Variants in ITGB8 observed in about 807,000 individuals in gnomAD.
ITGB8 encodes integrin subunit beta 8.
A neutral mutation model predicts 89.5 loss-of-function variants in ITGB8; 30 were observed. The observed-to-expected ratio is 0.34, with a 90% confidence interval of 0.25 to 0.45. The LOEUF is 0.45. Ranked by LOEUF, ITGB8 falls within the 20% of genes least tolerant of loss-of-function variation. ITGB8 has a pLI of 1.00. For synonymous variants in ITGB8, 335 were observed against 320.4 expected (o/e 1.05, Z -0.49); for missense variants, 836 against 933.3 (o/e 0.90, Z 1.36).
chr7:20,331,443 G>T lies in ITGB8; in HGVS notation c.-364G>T, dbSNP rs1367696429. ...CTTCGCTAAGCTGATTTATGCAGCAGAAGCCCCACCGGCTGGAGAGAAACA... is the reference window on the plus strand; with the variant it reads ...CTTCGCTAAGCTGATTTATGCAGCATAAGCCCCACCGGCTGGAGAGAAACA... On this transcript the variant is annotated 5_prime_UTR_variant, in exon 1 of 14. Coordinates refer to ENST00000222573, the MANE Select transcript of ITGB8 (RefSeq NM_002214.3). 2.4e-6 allele frequency: 1 copy of T among 411,064 alleles called. No individual in the cohort carries two copies. Among genetic ancestry groups the T allele is most frequent in the Admixed American group, 4.4e-5 (1 of 22,758 alleles). The allele number at this position is 411,064 out of a possible 1,614,324, so 25.5% of individuals were successfully genotyped here.
chr7:20,363,997 A>G (rs1562668944), intron 2 of ITGB8, among the ~76,000 whole-genome samples: 1 of 152,222 alleles, frequency 6.6e-6, no homozygotes, highest in Non-Finnish European at 1.5e-5. Flanking sequence ...ATTGGCAACC[A>G]CAGCTAGTAA....
chr7:20,359,678 T>TGC lies in ITGB8; in HGVS notation c.128-3958_128-3957insCG, dbSNP rs751163498. On this transcript the variant is annotated intron_variant, in intron 1 of 13. Coordinates refer to ENST00000222573, the MANE Select transcript of ITGB8 (RefSeq NM_002214.3). ...TGGGAGGGGAGGGAAGGAGAGAGAG[T>TGC]GTGTGTGTGTGTGGGAGAGAGAGAA... Among the ~76,000 whole-genome samples the TGC allele has an allele frequency of 4.6e-5, 7 of 150,932 alleles. 1 individual carries two copies. Among genetic ancestry groups the TGC allele is most frequent in the Middle Eastern group, 6.9e-3 (2 of 290 alleles).
intron 6 of ITGB8, 28 bp from the exon 7 acceptor site, chr7:20,391,375 C>A: frequency 8.0e-7 from 1 of 1,251,822 alleles, no homozygotes; most frequent in South Asian, 1.3e-5. Flanking sequence ...AAATTTCATT[C>A]CCTTATTTAT....
intron 1 of ITGB8, among the ~76,000 whole-genome samples, chr7:20,337,867 T>TA (rs1784627011): frequency 6.6e-6 from 1 of 152,202 alleles, no homozygotes; most frequent in African/African-American, 2.4e-5. Context: ...ATTCTTAGCC[T>TA]AAACAGCCTC....
Position 20,331,733 on chromosome 7 carries a change from G to C in ITGB8, c.-74G>C. The C allele has an allele frequency of 6.7e-7, 1 of 1,498,680 alleles. No individual in the cohort carries two copies. The highest frequency in any genetic ancestry group is 8.9e-7 in the Non-Finnish European group (1 of 1,122,266). The allele number at this position is 1,498,680 out of a possible 1,614,324, so 92.8% of individuals were successfully genotyped here. ...GCGACACTCGGCCCGCGGGCCCCGAGGTGCGCCCGGGAGGCGCGAGCCCGC... is the reference window on the plus strand; with the variant it reads ...GCGACACTCGGCCCGCGGGCCCCGACGTGCGCCCGGGAGGCGCGAGCCCGC... On this transcript the variant is annotated 5_prime_UTR_variant, in exon 1 of 14. Coordinates refer to ENST00000222573, the MANE Select transcript of ITGB8 (RefSeq NM_002214.3).
chr7:20,376,489 A>G (rs553530991), intron 3 of ITGB8, among the ~76,000 whole-genome samples: 4 of 152,286 alleles, frequency 2.6e-5, no homozygotes, highest in African/African-American at 9.6e-5. Flanking sequence ...AGTGCTGCAA[A>G]AAGGTATTTC....
rs989694252 is a variant in ITGB8, at chr7:20,414,511, T to C, written c.*4514T>C. The C allele has an allele frequency of 1.2e-4, 19 of 152,594 alleles. No homozygotes were observed. The highest frequency in any genetic ancestry group is 3.9e-4 in the Admixed American group (6 of 15,266). The allele number at this position is 152,594 out of a possible 1,614,324, so 9.5% of individuals were successfully genotyped here. A position where few individuals can be genotyped will look rare whatever the true frequency, so the allele number is the denominator to read the frequency against. Reference sequence around the variant, plus strand: ...TAAACAAAATTAACTGGAAAAATATTACATGGAACTGTCATAGTTAGGTTT... The same window carrying C: ...TAAACAAAATTAACTGGAAAAATATCACATGGAACTGTCATAGTTAGGTTT... On this transcript the variant is annotated 3_prime_UTR_variant, in exon 14 of 14. Coordinates refer to ENST00000222573, the MANE Select transcript of ITGB8 (RefSeq NM_002214.3).
chr7:20,346,339 G>T (rs1784921460), intron 1 of ITGB8, among the ~76,000 whole-genome samples: 1 of 152,176 alleles, frequency 6.6e-6, no homozygotes, highest in Non-Finnish European at 1.5e-5. Flanking sequence ...ATTTCAGAGG[G>T]CACAGGGGAT....
At chr7:20,342,281 T>G (rs954702550) in intron 1 of ITGB8, among the ~76,000 whole-genome samples, 1 of 152,198 alleles carries the variant, frequency 6.6e-6, no homozygotes, top group South Asian at 2.1e-4. Context: ...GGGCTCTGTA[T>G]TGACAATCTA....
intron 8 of ITGB8, among the ~76,000 whole-genome samples, chr7:20,395,667 CT>C (rs1239955695): frequency 6.6e-6 from 1 of 152,196 alleles, no homozygotes; most frequent in African/African-American, 2.4e-5. Flanking sequence ...GTGACTGCTA[CT>C]TTTTTACCAC....
intron 1 of ITGB8, among the ~76,000 whole-genome samples, chr7:20,344,635 G>A (rs1309748948): frequency 1.3e-5 from 2 of 152,208 alleles, no homozygotes; most frequent in African/African-American, 4.8e-5. Flanking sequence ...GTGTGTGCAG[G>A]GAGCAGTGCA....
intron 1 of ITGB8, among the ~76,000 whole-genome samples, chr7:20,333,341 T>C (rs951018901): frequency 5.3e-5 from 8 of 152,180 alleles, no homozygotes; most frequent in African/African-American, 1.9e-4. Context: ...AAAAGTAACA[T>C]TCATTATCAG....
intron 10 of ITGB8, among the ~76,000 whole-genome samples, chr7:20,403,709 G>C (rs1479006018): frequency 4.0e-5 from 6 of 151,826 alleles, no homozygotes; most frequent in African/African-American, 7.3e-5. Context: ...AATAAAAGAA[G>C]AGAGAGAGGG....
intron 2 of ITGB8, chr7:20,365,083 T>A (rs983466781): frequency 6.6e-6 from 1 of 152,238 alleles, no homozygotes; most frequent in African/African-American, 2.4e-5. Flanking sequence ...GGACCCCTTC[T>A]CCCTGTCACA....
chr7:20,348,336 C>G (rs185575406), intron 1 of ITGB8, among the ~76,000 whole-genome samples: 1 of 152,150 alleles, frequency 6.6e-6, no homozygotes, highest in Non-Finnish European at 1.5e-5. Context: ...CATAAGGCAG[C>G]CTCAGATAAT....
rs78379274 is a variant in ITGB8 at position 20,371,979 on chromosome 7, G to A, written c.388+4793G>A. Among the ~76,000 whole-genome samples the A allele has an allele frequency of 2.4e-3, 370 of 152,090 alleles. 1 individual carries two copies. Among genetic ancestry groups the A allele is most frequent in the African/African-American group, 8.5e-3 (354 of 41,508 alleles). ...GCTGTTTTCTTTTGCCTTTTTCCTA[G>A]AACTAGAAAGTTTGAACATTTTTCC... On this transcript the variant is annotated intron_variant, in intron 3 of 13. Transcript: ENST00000222573.
chr7:20,347,075 C>T (rs970825207), intron 1 of ITGB8, among the ~76,000 whole-genome samples: 2 of 152,184 alleles, frequency 1.3e-5, no homozygotes, highest in Non-Finnish European at 2.9e-5. Flanking sequence ...CATATGAAGA[C>T]ACAGCAAGAA....
At position 20,415,475 on chromosome 7, in the gene ITGB8, T is replaced by C. The variant is rs967555504; in HGVS notation, c.*5478T>C. The C allele has an allele frequency of 2.6e-5, 4 of 152,508 alleles. No individual in the cohort carries two copies. The highest frequency in any genetic ancestry group is 7.2e-5 in the African/African-American group (3 of 41,454). The allele number at this position is 152,508 out of a possible 1,614,324, so 9.4% of individuals were successfully genotyped here. ...TCTTATTATTTCTGGCTTTGAATTA[T>C]ACGTAACTTAAATTGTCTTAAATGA... On this transcript the variant is annotated 3_prime_UTR_variant, in exon 14 of 14. Coordinates refer to ENST00000222573, the MANE Select transcript of ITGB8 (RefSeq NM_002214.3).
intron 7 of ITGB8, among the ~76,000 whole-genome samples, chr7:20,391,894 A>G (rs10260521): frequency 0.82 from 125,165 of 152,154 alleles, 51,611 homozygotes; most frequent in Middle Eastern, 0.89. Flanking sequence ...ATAGGTTAAA[A>G]TTAGAGAATA....
Sources: gnomAD v4.1 joint callset for allele counts (sites outside exome capture counted in the v4.1 genomes callset) on GRCh38, gnomAD v4.1.1 for gene constraint, MANE v1.5 for transcripts, NCBI Gene and HGNC (gene_info 2026-07-23, HGNC 2026-07-21) for gene names.